EEF2K: variants seen among roughly 807,000 people sequenced by gnomAD.
The protein encoded by EEF2K is alternative protein EEF2K.
A neutral mutation model predicts 93.8 loss-of-function variants in EEF2K; 70 were observed. The ratio of observed to expected loss-of-function variants is 0.75; its 90% CI spans 0.62 to 0.91. EEF2K has a LOEUF of 0.91. Ranked by LOEUF, EEF2K falls within the 40% of genes least tolerant of loss-of-function variation. The pLI is 0.00. For synonymous variants in EEF2K, 376 were observed against 380.8 expected (o/e 0.99, Z 0.15); for missense variants, 935 against 972.9 (o/e 0.96, Z 0.52).
At chr16:22,242,108 C>T (rs577884273) in intron 2 of EEF2K, among the ~76,000 whole-genome samples, 234 of 152,218 alleles carry the variant, frequency 1.5e-3, no homozygotes, top group Non-Finnish European at 2.9e-3. Context: ...CACACTACCA[C>T]CACGTAGCCT....
At chr16:22,262,850 T>A (rs2047479056) in intron 11 of EEF2K, among the ~76,000 whole-genome samples, 2 of 152,114 alleles carry the variant, frequency 1.3e-5, no homozygotes, top group Non-Finnish European at 2.9e-5. Context: ...GAGCCCAAGG[T>A]CCTTACTGTT....
chr16:22,234,400 T>C (rs2047145555), intron 2 of EEF2K, among the ~76,000 whole-genome samples: 2 of 152,028 alleles, frequency 1.3e-5, no homozygotes, highest in Admixed American at 1.3e-4. Flanking sequence ...CTACTAAAAA[T>C]ACAAAAATTA....
chr16:22,225,799 G>C lies in EEF2K; in HGVS notation c.70G>C (p.Asp24His), dbSNP rs965379418. The change falls in exon 2 of 18, where the codon GAT becomes CAT. Residue 24 changes from aspartate to histidine, a missense_variant. Asp to His is a moderately conservative substitution (Grantham distance 81). Coordinates refer to ENST00000263026, the MANE Select transcript of EEF2K (RefSeq NM_013302.5). Reference protein sequence around the residue: ...DGGQSPRAGHDGDSDGDSDDE... With the variant: ...DGGQSPRAGHHGDSDGDSDDE... ...CGGCCAGTCCCCCCGAGCTGGCCAT[G>C]ATGGTGATTCTGATGGGGACAGCGA... is the stretch of plus-strand genomic sequence containing the variant. The C allele has an allele frequency of 1.2e-5, 19 of 1,614,130 alleles. 1 individual carries two copies. Among genetic ancestry groups the C allele is most frequent in the Non-Finnish European group, 1.1e-5 (13 of 1,180,056 alleles).
At chr16:22,240,084 A>G (rs2047205978) in intron 2 of EEF2K, among the ~76,000 whole-genome samples, 1 of 149,600 alleles carries the variant, frequency 6.7e-6, no homozygotes, top group African/African-American at 2.5e-5. Context: ...GCCTGGTGAC[A>G]GAGCCAGACT....
chr16:22,252,526 C>T (rs558435362), intron 6 of EEF2K, among the ~76,000 whole-genome samples: 1 of 152,182 alleles, frequency 6.6e-6, no homozygotes, highest in Non-Finnish European at 1.5e-5. Context: ...GGCCAAGGGG[C>T]AGGAATATGC....
intron 16 of EEF2K, among the ~76,000 whole-genome samples, chr16:22,274,406 T>G (rs1171639853): frequency 6.9e-6 from 1 of 144,824 alleles, no homozygotes; most frequent in Non-Finnish European, 1.5e-5. Context: ...ATCGAGTCAC[T>G]GCACTCCAGC....
intron 1 of EEF2K, among the ~76,000 whole-genome samples, chr16:22,220,195 A>G (rs906944176): frequency 6.6e-6 from 1 of 152,246 alleles, no homozygotes; most frequent in Admixed American, 6.5e-5. Context: ...CAAAAGCCAT[A>G]AAACAGATGA....
intron 1 of EEF2K, among the ~76,000 whole-genome samples, chr16:22,222,203 C>CT (rs1047601715): frequency 6.6e-6 from 1 of 151,686 alleles, no homozygotes. Flanking sequence ...CTTTTCTTTT[C>CT]TTTTTTTGGA....
At chr16:22,276,451 TC>T (rs1439241705) in intron 16 of EEF2K, among the ~76,000 whole-genome samples, 1 of 152,130 alleles carries the variant, frequency 6.6e-6, no homozygotes, top group Non-Finnish European at 1.5e-5. Flanking sequence ...TCAAAGCAGT[TC>T]CAACCCCACC....
intron 3 of EEF2K, among the ~76,000 whole-genome samples, chr16:22,246,946 G>A (rs1246541049): frequency 6.9e-6 from 1 of 144,898 alleles, no homozygotes; most frequent in Non-Finnish European, 1.5e-5. Flanking sequence ...GCTAAGGCAG[G>A]AGAATCGCTT....
chr16:22,279,907 A>T (rs2047675966), intron 16 of EEF2K, among the ~76,000 whole-genome samples: 1 of 152,074 alleles, frequency 6.6e-6, no homozygotes, highest in Non-Finnish European at 1.5e-5. Context: ...GAGACAGGAG[A>T]ATTGCTTGAA....
chr16:22,280,445 A>G, intron 17 of EEF2K, 69 bp downstream of exon 17: 1 of 1,343,022 alleles, frequency 7.4e-7, no homozygotes, highest in Non-Finnish European at 9.6e-7. Context: ...TTTCCATTCC[A>G]CTGGGAGTTA....
chr16:22,252,045 C>T (rs574019133), intron 6 of EEF2K, among the ~76,000 whole-genome samples: 3 of 151,620 alleles, frequency 2.0e-5, no homozygotes, highest in East Asian at 2.0e-4. Context: ...CCATCCACCT[C>T]GGCCTCCCAA....
At chr16:22,275,456 C>G (rs554937915) in intron 16 of EEF2K, among the ~76,000 whole-genome samples, 5 of 152,156 alleles carry the variant, frequency 3.3e-5, no homozygotes, top group African/African-American at 1.2e-4. Context: ...GATTCTCCTG[C>G]CTCAGCCTCC....
chr16:22,228,586 C>G (rs578159058), intron 2 of EEF2K, among the ~76,000 whole-genome samples: 1 of 152,318 alleles, frequency 6.6e-6, no homozygotes, highest in East Asian at 1.9e-4. Flanking sequence ...CAGGCCCACG[C>G]CTAAAATGGC....
At position 22,266,492 on chromosome 16, in the gene EEF2K, G is replaced by C. The variant is rs761170225; in HGVS notation, c.1543G>C (p.Glu515Gln). The C allele has an allele frequency of 1.9e-6, 3 of 1,614,082 alleles. No homozygotes were observed. The Admixed American group carries it at 5.0e-5, about 27-fold the overall frequency. ...EVQRLNALDL[E>Q]KKIGKSILGK... ...GCAAAGGCTTAATGCTCTGGACCTC[G>C]AAAAGAAAATCGGGAAGTCCATTTT... Residue 515 changes from glutamate to glutamine, a missense_variant, in exon 14 of 18, where the codon GAA becomes CAA. Physicochemically the swap from Glu to Gln is conservative, Grantham distance 29. Coordinates refer to ENST00000263026, the MANE Select transcript of EEF2K (RefSeq NM_013302.5).
intron 10 of EEF2K, among the ~76,000 whole-genome samples, chr16:22,260,240 A>G (rs2047448710): frequency 6.6e-6 from 1 of 152,236 alleles, no homozygotes; most frequent in African/African-American, 2.4e-5. Flanking sequence ...CCACTTGGCC[A>G]GAATCATGTA....
intron 1 of EEF2K, among the ~76,000 whole-genome samples, chr16:22,222,824 A>G (rs2047027580): frequency 6.6e-6 from 1 of 151,932 alleles, no homozygotes; most frequent in African/African-American, 2.4e-5. Context: ...TGGAGGTTAC[A>G]GTGAGCCGAG....
chr16:22,286,058 G>A lies in EEF2K; in HGVS notation c.*2062G>A, dbSNP rs1013436624. On this transcript the variant is annotated 3_prime_UTR_variant, in exon 18 of 18. Transcript: ENST00000263026. ...GCAAGCGTTAGTTCCAAAGTTCAGT[G>A]TGTACCCTTAAATGAACAATGAAGC... 1.2e-4 allele frequency: 19 copies of A among 152,232 alleles called. No individual in the cohort carries two copies. The highest frequency in any genetic ancestry group is 1.2e-3 in the East Asian group (6 of 5,174). 9.4% of individuals were successfully genotyped at this position (152,232 alleles called of 1,614,324 possible). A position where few individuals can be genotyped will look rare whatever the true frequency, so the allele number is the denominator to read the frequency against.
Sources: allele counts gnomAD v4.1 joint callset (sites outside exome capture counted in the v4.1 genomes callset), GRCh38; gene constraint gnomAD v4.1.1; transcripts MANE v1.5; gene names NCBI Gene and HGNC (gene_info 2026-07-23, HGNC 2026-07-21).